Variants in CFTR observed in about 807,000 individuals in gnomAD.
CFTR encodes the protein CF transmembrane conductance regulator.
In CFTR, 181 loss-of-function variants were observed where a neutral mutation model predicts 171.6. The ratio of observed to expected loss-of-function variants is 1.05; its 90% CI spans 0.93 to 1.19. The LOEUF is 1.19. Ranked by LOEUF, CFTR falls within the 50% of genes most tolerant of loss-of-function variation. CFTR has a pLI of 0.00. For synonymous variants in CFTR, 583 were observed against 608.0 expected, an observed-to-expected ratio of 0.96 and a Z score of 0.60; for missense variants, 1,968 against 1,734.7, an observed-to-expected ratio of 1.13 and a Z score of -2.39.
In CFTR at chr7:117,663,724, C is replaced by G. The variant is rs992854539; in HGVS notation, c.3964-964C>G. Reference sequence around the variant, plus strand: ...CATTCTATATTACAGTCAGGTGGAGCCCATCTTACCTCCTCATACTAAATT... The same window carrying G: ...CATTCTATATTACAGTCAGGTGGAGGCCATCTTACCTCCTCATACTAAATT... On this transcript the variant is annotated intron_variant, in intron 24 of 26. Coordinates refer to ENST00000003084, the MANE Select transcript of CFTR (RefSeq NM_000492.4). 2.0e-5 allele frequency among the ~76,000 whole-genome samples: 3 copies of G among 152,198 alleles called. 1 individual carries two copies. In the South Asian group the frequency reaches 6.2e-4, roughly 32 times the overall value.
chr7:117,593,045 T>A (rs1792060622), intron 14 of CFTR, among the ~76,000 whole-genome samples: 1 of 152,196 alleles, frequency 6.6e-6, no homozygotes, highest in Non-Finnish European at 1.5e-5. Flanking sequence ...AAATAATCTG[T>A]ATGGAAGTAG....
intron 21 of CFTR, among the ~76,000 whole-genome samples, chr7:117,620,834 C>A (rs552016539): frequency 6.6e-6 from 1 of 152,084 alleles, no homozygotes; most frequent in Non-Finnish European, 1.5e-5. Context: ...TAGCCAGGTG[C>A]GGTGGCTCAT....
At position 117,559,629 on chromosome 7, in the gene CFTR, G is replaced by A. The variant is rs77646904; in HGVS notation, c.1558G>A (p.Val520Ile). The change falls in exon 11 of 27, where the codon GTC becomes ATC. Residue 520 changes from valine to isoleucine, a missense_variant. Coordinates refer to ENST00000003084, the MANE Select transcript of CFTR (RefSeq NM_000492.4). Reference protein sequence around the residue: ...VSYDEYRYRSVIKACQLEEDI... With the variant: ...VSYDEYRYRSIIKACQLEEDI... ...CTATGATGAATATAGATACAGAAGC[G>A]TCATCAAAGCATGCCAACTAGAAGA... is the stretch of plus-strand genomic sequence containing the variant. The A allele has an allele frequency of 1.1e-4, 184 of 1,613,134 alleles. No homozygotes were observed. Among genetic ancestry groups the A allele is most frequent in the East Asian group, 9.8e-4 (44 of 44,786 alleles).
At chr7:117,517,387 C>T (rs964950725) in intron 3 of CFTR, among the ~76,000 whole-genome samples, 1 of 152,304 alleles carries the variant, frequency 6.6e-6, no homozygotes, top group Admixed American at 6.5e-5. Context: ...GACATGAACT[C>T]ATCCTTTTTT....
At chr7:117,523,381 G>GTTT (rs202247662) in intron 3 of CFTR, among the ~76,000 whole-genome samples, 3 of 142,638 alleles carry the variant, frequency 2.1e-5, no homozygotes, top group African/African-American at 5.1e-5. Context: ...TTTGTTTTTT[G>GTTT]TTTTTTTTTT....
intron 3 of CFTR, among the ~76,000 whole-genome samples, chr7:117,518,439 A>G (rs1247691066): frequency 6.8e-6 from 1 of 147,446 alleles, no homozygotes; most frequent in Non-Finnish European, 1.5e-5. Context: ...GCTATATTAT[A>G]TATTATTAAC....
At chr7:117,627,981 A>C (rs1015093290) in intron 22 of CFTR, 3 of 505,986 alleles carry the variant, frequency 5.9e-6, no homozygotes, top group African/African-American at 5.8e-5. Context: ...GTTTATTTTA[A>C]ATGTGATTGT....
intron 11 of CFTR, among the ~76,000 whole-genome samples, chr7:117,568,086 G>T (rs1791631826): frequency 6.6e-6 from 1 of 152,160 alleles, no homozygotes; most frequent in Admixed American, 6.6e-5. Context: ...AGTCACTTCT[G>T]TGTGGCTGGG....
intron 22 of CFTR, among the ~76,000 whole-genome samples, chr7:117,641,704 C>A (rs1792916402): frequency 6.6e-6 from 1 of 152,190 alleles, no homozygotes; most frequent in Non-Finnish European, 1.5e-5. Context: ...AGCACTTGAT[C>A]TCCTCATGCA....
At chr7:117,501,772 G>GAAAAAAAAAAAAAAAAA (rs1798332750) in intron 1 of CFTR, among the ~76,000 whole-genome samples, 3 of 73,562 alleles carry the variant, frequency 4.1e-5, no homozygotes, top group Non-Finnish European at 5.7e-5. Context: ...AAAAAAAAAA[G>GAAAAAAAAAAAAAAAAA]AAACAAAAAA....
intron 11 of CFTR, among the ~76,000 whole-genome samples, chr7:117,587,457 AAT>A (rs1418439141): frequency 6.6e-6 from 1 of 152,188 alleles, no homozygotes; most frequent in Non-Finnish European, 1.5e-5. Flanking sequence ...TATACCCATA[AAT>A]ATACACATAT....
chr7:117,524,905 GA>G (rs1945228019), intron 3 of CFTR, among the ~76,000 whole-genome samples: 1 of 152,124 alleles, frequency 6.6e-6, no homozygotes, highest in Non-Finnish European at 1.5e-5. Context: ...AGCACAGTAG[GA>G]TGTTATTTAT....
intron 11 of CFTR, among the ~76,000 whole-genome samples, chr7:117,569,737 G>C (rs1791660389): frequency 6.6e-6 from 1 of 152,146 alleles, no homozygotes; most frequent in Non-Finnish European, 1.5e-5. Context: ...CCCTTTTCTA[G>C]AGTAGGATGA....
intron 22 of CFTR, among the ~76,000 whole-genome samples, chr7:117,638,528 G>T (rs1792863588): frequency 6.6e-6 from 1 of 152,008 alleles, no homozygotes; most frequent in Admixed American, 6.6e-5. Context: ...TTGGGGTCAG[G>T]AGTTCAAGAC....
At chr7:117,563,363 A>G (rs213952) in intron 11 of CFTR, among the ~76,000 whole-genome samples, 47,898 of 152,036 alleles carry the variant, frequency 0.32, 10,349 homozygotes, top group African/African-American at 0.62. Flanking sequence ...TCAGGAATCC[A>G]GATATGGTCA....
chr7:117,500,632 A>T (rs537982465), intron 1 of CFTR, among the ~76,000 whole-genome samples: 1 of 152,122 alleles, frequency 6.6e-6, no homozygotes, highest in South Asian at 2.1e-4. Flanking sequence ...ATTTAACCTC[A>T]CAAAATAAAA....
intron 9 of CFTR, among the ~76,000 whole-genome samples, chr7:117,545,609 G>C (rs1046599981): frequency 1.4e-4 from 21 of 152,090 alleles, no homozygotes; most frequent in Admixed American, 5.2e-4. Flanking sequence ...TCCCTGGTGA[G>C]TTATATACAA....
At chr7:117,597,952 A>T (rs1198833734) in intron 15 of CFTR, among the ~76,000 whole-genome samples, 1 of 152,138 alleles carries the variant, frequency 6.6e-6, no homozygotes, top group African/African-American at 2.4e-5. Flanking sequence ...AAATGCTTAA[A>T]AGGGCCTGGC....
chr7:117,650,973 C>G (rs554304529), intron 23 of CFTR, among the ~76,000 whole-genome samples: 1 of 152,252 alleles, frequency 6.6e-6, no homozygotes, highest in Non-Finnish European at 1.5e-5. Context: ...AATTCCAGCT[C>G]CTACTATCTC....
Sources: allele counts gnomAD v4.1 joint callset (sites outside exome capture counted in the v4.1 genomes callset), GRCh38; gene constraint gnomAD v4.1.1; transcripts MANE v1.5; gene names NCBI Gene and HGNC (gene_info 2026-07-23, HGNC 2026-07-21).